Variants in RBFOX2 observed in about 807,000 individuals in gnomAD.
RBFOX2 encodes the protein RNA binding protein fox-1 homolog 2.
Under a neutral mutation model 49.1 loss-of-function variants are expected in RBFOX2, and 10 were observed. The observed-to-expected ratio is 0.20, with a 90% confidence interval of 0.13 to 0.35. RBFOX2 has a LOEUF of 0.35. Among genes scored for constraint, RBFOX2 ranks in the 10% least tolerant of loss-of-function variants. The pLI is 1.00. For synonymous variants in RBFOX2, 183 were observed against 187.4 expected, an observed-to-expected ratio of 0.98 and a Z score of 0.19; for missense variants, 323 against 486.9, an observed-to-expected ratio of 0.66 and a Z score of 3.17.
chr22:35,787,874 T>C (rs1569107933), intron 2 of RBFOX2, among the ~76,000 whole-genome samples: 1 of 152,196 alleles, frequency 6.6e-6, no homozygotes, highest in Non-Finnish European at 1.5e-5. Context: ...AGAGGCTGGA[T>C]GGAGTCCGTT....
intron 1 of RBFOX2, among the ~76,000 whole-genome samples, chr22:35,967,310 T>C (rs1279291879): frequency 6.6e-6 from 1 of 151,560 alleles, no homozygotes; most frequent in Non-Finnish European, 1.5e-5. Context: ...AATTTTCCTA[T>C]AATCCTAGCA....
intron 1 of RBFOX2, among the ~76,000 whole-genome samples, chr22:36,004,808 A>T (rs2058560398): frequency 6.6e-6 from 1 of 152,062 alleles, no homozygotes; most frequent in Non-Finnish European, 1.5e-5. Flanking sequence ...AAAAAAAAAA[A>T]GTTAAACCAT....
rs1275616913 is a variant in RBFOX2 at position 35,835,504 on chromosome 22, A to G, written c.27+4688T>C. 2.6e-5 allele frequency among the ~76,000 whole-genome samples: 4 copies of G among 152,226 alleles called. No individual in the cohort carries two copies. The East Asian group carries it at 7.7e-4, about 29-fold the overall frequency. On this transcript the variant is annotated intron_variant, in intron 1 of 11. Coordinates refer to ENST00000405409, the Ensembl canonical transcript of RBFOX2. ...GGGGAGAACAGAAAACTGGAGGAACAAAACCAGGAATTTGAGCTTATGCCT... is the reference window on the plus strand; with the variant it reads ...GGGGAGAACAGAAAACTGGAGGAACGAAACCAGGAATTTGAGCTTATGCCT...
exon 12 of RBFOX2, chr22:35,739,221 G>C (rs1569166536): frequency 6.6e-6 from 1 of 152,654 alleles, no homozygotes. Context: ...GGAGGGGCTG[G>C]AGGAACAGCA....
In RBFOX2 at chr22:35,937,099, G is replaced by A. The variant is rs145141708; in HGVS notation, c.-34+1748C>T. Among the ~76,000 whole-genome samples the A allele has an allele frequency of 1.6e-4, 24 of 152,254 alleles. No homozygotes were observed. In the East Asian group the frequency reaches 3.9e-3, roughly 24 times the overall value. On this transcript the variant is annotated intron_variant, in intron 1 of 13. Coordinates refer to the RBFOX2 transcript ENST00000359369. ...GCCCATAGGACTGTAGTTCTCAACC[G>A]CACTACACAGCAGAATCACCTTTGG...
chr22:35,864,971 A>C (rs901553963), intron 1 of RBFOX2, among the ~76,000 whole-genome samples: 5 of 152,240 alleles, frequency 3.3e-5, no homozygotes, highest in African/African-American at 1.2e-4. Flanking sequence ...GACCTACTTT[A>C]ATCTTAGGTT....
chr22:35,929,738 G>A (rs768406450), intron 1 of RBFOX2, among the ~76,000 whole-genome samples: 51 of 151,646 alleles, frequency 3.4e-4, no homozygotes, highest in South Asian at 1.0e-3. Flanking sequence ...CTCCTGCCTC[G>A]GCCTCCCAAA....
chr22:35,825,128 T>C (rs1018868436), intron 1 of RBFOX2, among the ~76,000 whole-genome samples: 5 of 152,164 alleles, frequency 3.3e-5, no homozygotes, highest in Admixed American at 1.3e-4. Flanking sequence ...GCTGAGACAG[T>C]AGAATTGCTT....
chr22:35,835,023 G>T (rs1344253792), intron 1 of RBFOX2, among the ~76,000 whole-genome samples: 1 of 152,220 alleles, frequency 6.6e-6, no homozygotes, highest in Non-Finnish European at 1.5e-5. Flanking sequence ...GCAGAATGCA[G>T]CATTTCTCAC....
chr22:35,978,609 A>G (rs984471938), intron 1 of RBFOX2, among the ~76,000 whole-genome samples: 29 of 152,226 alleles, frequency 1.9e-4, no homozygotes, highest in Admixed American at 2.0e-4. Flanking sequence ...GAAATGTCCC[A>G]TGAATGATGG....
intron 1 of RBFOX2, among the ~76,000 whole-genome samples, chr22:35,960,853 T>C (rs769547127): frequency 2.6e-5 from 4 of 152,146 alleles, no homozygotes; most frequent in Admixed American, 6.5e-5. Flanking sequence ...CTAAAGCCGA[T>C]TCCGAATGAG....
chr22:36,026,266 A>AG (rs2059429821), intron 1 of RBFOX2, among the ~76,000 whole-genome samples: 1 of 151,986 alleles, frequency 6.6e-6, no homozygotes, highest in African/African-American at 2.4e-5. Flanking sequence ...AAAAAAAAAA[A>AG]AAAGAGAATG....
chr22:35,778,100 C>T (rs370559919), intron 3 of RBFOX2, 22 bp from the exon 5 acceptor site: 116 of 1,588,250 alleles, frequency 7.3e-5, no homozygotes, highest in Non-Finnish European at 9.3e-5. Flanking sequence ...AAAATAAAAA[C>T]GTTTACTTAT....
intron 1 of RBFOX2, among the ~76,000 whole-genome samples, chr22:35,849,925 T>C (rs1055392032): frequency 1.3e-5 from 2 of 152,034 alleles, no homozygotes; most frequent in Non-Finnish European, 2.9e-5. Context: ...GGTTTTTAAA[T>C]TGACAACTCA....
chr22:35,807,067 G>A (rs550897291), intron 2 of RBFOX2, among the ~76,000 whole-genome samples: 4 of 152,154 alleles, frequency 2.6e-5, no homozygotes, highest in Non-Finnish European at 5.9e-5. Context: ...GCCTCCCAAA[G>A]TGTTGGGATT....
intron 1 of RBFOX2, among the ~76,000 whole-genome samples, chr22:35,986,922 AC>A (rs889501441): frequency 5.9e-5 from 9 of 151,714 alleles, no homozygotes; most frequent in African/African-American, 2.2e-4. Flanking sequence ...ATAAACTCTT[AC>A]TTCACTGGAA....
chr22:36,016,154 T>G (rs1297816823), intron 1 of RBFOX2, among the ~76,000 whole-genome samples: 1 of 151,870 alleles, frequency 6.6e-6, no homozygotes, highest in Non-Finnish European at 1.5e-5. Context: ...TGGCAACAAT[T>G]AAGGCCCACT....
intron 4 of RBFOX2, among the ~76,000 whole-genome samples, chr22:35,770,968 T>C (rs946742275): frequency 2.6e-5 from 4 of 152,218 alleles, no homozygotes; most frequent in Admixed American, 2.0e-4. Context: ...ATCTTTTCCC[T>C]GGGGTGATAG....
chr22:35,909,204 T>A (rs1380519233), intron 1 of RBFOX2, among the ~76,000 whole-genome samples: 1 of 152,200 alleles, frequency 6.6e-6, no homozygotes, highest in Non-Finnish European at 1.5e-5. Flanking sequence ...ATGCTTCTTG[T>A]TGCAGCTGCT....
Sources: gnomAD v4.1 joint callset for allele counts (sites outside exome capture counted in the v4.1 genomes callset) on GRCh38, gnomAD v4.1.1 for gene constraint, MANE v1.5 for transcripts, NCBI Gene and HGNC (gene_info 2026-07-23, HGNC 2026-07-21) for gene names.